The following LYG2 variants were observed in gnomAD, a reference collection of about 807,000 sequenced individuals.
LYG2 encodes the protein lysozyme g-like protein 2.
Under a neutral mutation model 22.4 loss-of-function variants are expected in LYG2, and 25 were observed. That is an observed-to-expected ratio of 1.12 (90% CI 0.81 to 1.56). The LOEUF is 1.56. LYG2 is among the 40% of genes most tolerant of loss of function. LYG2 has a pLI of 0.00. For missense variants in LYG2, 266 were observed against 269.5 expected (o/e 0.99, Z 0.09); for synonymous variants, 88 against 97.0 (o/e 0.91, Z 0.55).
intron 5 of LYG2, 58 bp downstream of exon 5, chr2:99,245,204 G>GTTGA: frequency 1.4e-6 from 2 of 1,481,128 alleles, no homozygotes; most frequent in Non-Finnish European, 1.8e-6. Context: ...TCTAGTTCAG[G>GTTGA]TTGAGCTTCT....
intron 3 of LYG2, among the ~76,000 whole-genome samples, chr2:99,248,804 T>C (rs2105272604): frequency 6.6e-6 from 1 of 151,692 alleles, no homozygotes; most frequent in Non-Finnish European, 1.5e-5. Context: ...TTGCCTTTGT[T>C]TAGAAAGATA....
intron 3 of LYG2, among the ~76,000 whole-genome samples, chr2:99,253,766 C>G (rs978644355): frequency 6.6e-6 from 1 of 152,194 alleles, no homozygotes; most frequent in African/African-American, 2.4e-5. Context: ...ATGTCCCCCC[C>G]AAAAGCCTTT....
intron 3 of LYG2, among the ~76,000 whole-genome samples, chr2:99,248,340 C>T (rs1574863439): frequency 6.6e-6 from 1 of 152,134 alleles, no homozygotes; most frequent in East Asian, 1.9e-4. Flanking sequence ...CCCAAATGTC[C>T]AACAATGATA....
intron 3 of LYG2, among the ~76,000 whole-genome samples, chr2:99,248,711 T>C (rs2094021022): frequency 6.6e-6 from 1 of 150,458 alleles, no homozygotes; most frequent in African/African-American, 2.4e-5. Context: ...TGTGCACATG[T>C]ACCCTAAAAC....
intron 3 of LYG2, among the ~76,000 whole-genome samples, chr2:99,250,588 A>C (rs886130558): frequency 6.6e-6 from 1 of 152,074 alleles, no homozygotes; most frequent in Non-Finnish European, 1.5e-5. Context: ...GTTAGCCAGG[A>C]TGGTCTCGAT....
chr2:99,251,217 G>A (rs2094025970), intron 3 of LYG2, among the ~76,000 whole-genome samples: 1 of 151,974 alleles, frequency 6.6e-6, no homozygotes, highest in South Asian at 2.1e-4. Flanking sequence ...AAATCAAATG[G>A]GGAAAAATGG....
chr2:99,251,898 C>CACGAT (rs559117889), intron 3 of LYG2, among the ~76,000 whole-genome samples: 13 of 123,712 alleles, frequency 1.1e-4, no homozygotes, highest in East Asian at 3.5e-4. Context: ...AGTGCAGTGG[C>CACGAT]CATTCTCCTG....
chr2:99,253,015 C>T (rs1204428268), intron 3 of LYG2, among the ~76,000 whole-genome samples: 1 of 142,876 alleles, frequency 7.0e-6, no homozygotes, highest in Non-Finnish European at 1.5e-5. Context: ...CCACTGCACT[C>T]TCCAGCCTGG....
intron 6 of LYG2, chr2:99,243,787 C>A: frequency 1.7e-6 from 1 of 597,564 alleles, no homozygotes; most frequent in Non-Finnish European, 2.9e-6. Context: ...ATAAGAACCC[C>A]AACATTCTGC....
rs867077412 is a variant in LYG2 at position 99,242,295 on chromosome 2, A to C, written c.*69T>G. The C allele has an allele frequency of 1.3e-6, 1 of 776,772 alleles. No homozygotes were observed. The highest frequency in any genetic ancestry group is 3.0e-4 in the Middle Eastern group (1 of 3,280). 48.1% of individuals were successfully genotyped at this position (776,772 alleles called of 1,614,324 possible). A position where few individuals can be genotyped will look rare whatever the true frequency, so the allele number is the denominator to read the frequency against. On this transcript the variant is annotated 3_prime_UTR_variant, in exon 7 of 7. Coordinates refer to ENST00000333017, the MANE Select transcript of LYG2 (RefSeq NM_175735.4). The stretch of plus-strand genomic sequence containing the variant: ...TCTTTGCCAGTGTTGTATACAACAC[A>C]TTCACGTAAAACTCTCAAAGGCGGC...
the LYG2 span, among the ~76,000 whole-genome samples, chr2:99,261,116 A>G: frequency 6.6e-6 from 1 of 152,164 alleles, no homozygotes; most frequent in South Asian, 2.1e-4. Context: ...CTAAGTACAG[A>G]CAAGGAGAAA....
At chr2:99,261,148 GGGC>G in the LYG2 span, among the ~76,000 whole-genome samples, 1,636 of 152,260 alleles carry the variant, frequency 0.011, 30 homozygotes, top group African/African-American at 0.037. Context: ...GAGTGGTCCA[GGGC>G]TGAGGTGCAG....
chr2:99,256,288 A>G (rs2094036174), upstream of LYG2, among the ~76,000 whole-genome samples: 1 of 152,176 alleles, frequency 6.6e-6, no homozygotes, highest in South Asian at 2.1e-4. Context: ...CTAGCCTTCC[A>G]TCCCTGGAAG....
intron 3 of LYG2, among the ~76,000 whole-genome samples, chr2:99,248,482 G>T (rs1574863509): frequency 6.7e-6 from 1 of 150,288 alleles, no homozygotes; most frequent in Non-Finnish European, 1.5e-5. Flanking sequence ...TATCACCAAG[G>T]ACAAAAAACC....
rs116318128 is a variant in LYG2 at position 99,253,776 on chromosome 2, T to G, written c.43+442A>C. On this transcript the variant is annotated intron_variant, in intron 3 of 6. Transcript: ENST00000333017. ...TTGACATGTCCCCCCCAAAAGCCTTTCACATCTGAGCATTCTAGTTGGATG... is the reference window on the plus strand; with the variant it reads ...TTGACATGTCCCCCCCAAAAGCCTTGCACATCTGAGCATTCTAGTTGGATG... Among the ~76,000 whole-genome samples the G allele has an allele frequency of 3.4e-3, 514 of 152,308 alleles. 3 individuals are homozygous for G. Among genetic ancestry groups the G allele is most frequent in the African/African-American group, 0.012 (479 of 41,572 alleles).
In LYG2 at chr2:99,244,025, G is replaced by A. The variant is rs372589731; in HGVS notation, c.494C>T (p.Thr165Met). The change falls in exon 6 of 7, where the codon ACG (threonine) becomes ATG (methionine). Residue 165 changes from threonine to methionine, a missense_variant. By Grantham distance (81) the Thr-to-Met change is moderately conservative. Coordinates refer to ENST00000333017, the MANE Select transcript of LYG2 (RefSeq NM_175735.4). ...RIKAIQKKFP[T>M]WSVAQHLKGG... ...TTTGAGGTGCTGAGCAACACTCCAC[G>A]TGGGGAATTTTTTCTGGATTGCCTT... is the stretch of plus-strand genomic sequence containing the variant. 24 of 1,614,050 alleles carry A rather than the reference G, an allele frequency of 1.5e-5. No individual in the cohort carries two copies. Among genetic ancestry groups the A allele is most frequent in the East Asian group, 4.5e-5 (2 of 44,874 alleles).
chr2:99,258,940 G>C (rs999634825), upstream of LYG2, among the ~76,000 whole-genome samples: 1 of 152,148 alleles, frequency 6.6e-6, no homozygotes, highest in South Asian at 2.1e-4. Flanking sequence ...GGCCAATAAA[G>C]CTCATGAAAA....
intron 3 of LYG2, among the ~76,000 whole-genome samples, chr2:99,247,543 G>A (rs1224784489): frequency 6.6e-6 from 1 of 151,828 alleles, no homozygotes; most frequent in Admixed American, 6.6e-5. Flanking sequence ...CACCCAAATA[G>A]TGAACACAGT....
At chr2:99,256,750 T>C (rs965111088), upstream of LYG2, among the ~76,000 whole-genome samples, 1 of 152,218 alleles carries the variant, frequency 6.6e-6, no homozygotes, top group Non-Finnish European at 1.5e-5. Context: ...AGGTATGAGG[T>C]CCTTAATGTC....
Sources: gnomAD v4.1 joint callset for allele counts (sites outside exome capture counted in the v4.1 genomes callset) on GRCh38, gnomAD v4.1.1 for gene constraint, MANE v1.5 for transcripts, NCBI Gene and HGNC (gene_info 2026-07-23, HGNC 2026-07-21) for gene names.